MALRD1: variants seen among roughly 807,000 people sequenced by gnomAD.
MALRD1 encodes the protein MAM and LDL-receptor class A domain-containing protein 1.
A neutral mutation model predicts 242.1 loss-of-function variants in MALRD1; 247 were observed. The observed-to-expected ratio is 1.02, with a 90% confidence interval of 0.92 to 1.13. The LOEUF is 1.13. Ranked by LOEUF, MALRD1 falls within the 50% of genes most tolerant of loss-of-function variation. MALRD1 has a pLI of 0.00. For synonymous variants in MALRD1, 995 were observed against 866.6 expected, an observed-to-expected ratio of 1.15 and a Z score of -2.60; for missense variants, 2,989 against 2,533.1, an observed-to-expected ratio of 1.18 and a Z score of -3.86.
At chr10:19,644,799 T>A (rs1415246241) in intron 36 of MALRD1, among the ~76,000 whole-genome samples, 3 of 152,182 alleles carry the variant, frequency 2.0e-5, no homozygotes, top group Non-Finnish European at 2.9e-5. Flanking sequence ...GTCATGCAGC[T>A]AACAAGCAGC....
intron 26 of MALRD1, among the ~76,000 whole-genome samples, chr10:19,375,543 C>T (rs985078155): frequency 2.6e-5 from 4 of 152,160 alleles, no homozygotes; most frequent in Non-Finnish European, 5.9e-5. Context: ...CCTCACCATA[C>T]TGTCACCCGC....
intron 31 of MALRD1, among the ~76,000 whole-genome samples, chr10:19,509,511 CCTTTTCTGGTCAGCCTCTCAAT>C (rs1833298837): frequency 1.3e-5 from 2 of 152,222 alleles, no homozygotes; most frequent in African/African-American, 2.4e-5. Context: ...TTGACAATTC[CCTTTTCTGGTCAGCCTCTCAAT>C]CTTGAGAGGT....
chr10:19,687,682 G>A (rs1485863055), intron 36 of MALRD1, among the ~76,000 whole-genome samples: 1 of 151,992 alleles, frequency 6.6e-6, no homozygotes, highest in Non-Finnish European at 1.5e-5. Context: ...TTTTTCATTT[G>A]TTATACAAAT....
intron 31 of MALRD1, among the ~76,000 whole-genome samples, chr10:19,506,207 T>C (rs1208199125): frequency 6.6e-6 from 1 of 152,216 alleles, no homozygotes; most frequent in Non-Finnish European, 1.5e-5. Flanking sequence ...AATTCTTTAT[T>C]GTGTGCTAAG....
In MALRD1 at chr10:19,280,066, C is replaced by T. The variant is rs917881055; in HGVS notation, c.3099C>T (p.Leu1033=). The T allele has an allele frequency of 1.3e-6, 2 of 1,514,742 alleles. No individual in the cohort carries two copies. Among genetic ancestry groups the T allele is most frequent in the Non-Finnish European group, 1.8e-6 (2 of 1,134,288 alleles). 93.8% of individuals were successfully genotyped at this position (1,514,742 alleles called of 1,614,324 possible). A position where few individuals can be genotyped will look rare whatever the true frequency, so the allele number is the denominator to read the frequency against. ...ATCAAGGTAATTTGCCAGCAGACCT[C>T]CCAACTCCACCAGAAACGTCAGTTC... The part of the protein sequence containing the change: ...TLYPGNLPAD[L]PTPPETSVPV... Residue 1033 remains leucine (L), a synonymous_variant, in exon 20 of 40, where the codon CTC becomes CTT. Transcript: ENST00000454679.
intron 28 of MALRD1, among the ~76,000 whole-genome samples, chr10:19,432,209 T>G (rs2496097): frequency 6.6e-6 from 1 of 151,986 alleles, no homozygotes; most frequent in Non-Finnish European, 1.5e-5. Context: ...TTGTCTGTTA[T>G]AGACAATGCT....
intron 29 of MALRD1, among the ~76,000 whole-genome samples, chr10:19,485,594 G>C (rs764534118): frequency 6.0e-4 from 91 of 150,802 alleles, no homozygotes; most frequent in Non-Finnish European, 1.1e-3. Flanking sequence ...AGTGAGCCCA[G>C]ATCGCGCCAC....
intron 31 of MALRD1, among the ~76,000 whole-genome samples, chr10:19,528,952 G>T (rs1834217154): frequency 6.6e-6 from 1 of 152,154 alleles, no homozygotes; most frequent in African/African-American, 2.4e-5. Context: ...ACAAGTACTG[G>T]TGTAGGAATC....
At position 19,692,348 on chromosome 10, in the gene MALRD1, A is replaced by T; in HGVS notation, c.6204A>T (p.Thr2068=). 1 of 1,535,330 alleles carries T rather than the reference A, an allele frequency of 6.5e-7. No individual in the cohort carries two copies. Among genetic ancestry groups the T allele is most frequent in the Non-Finnish European group, 8.7e-7 (1 of 1,146,348 alleles). Residue 2068 remains threonine, a synonymous_variant, in exon 37 of 40, where the codon ACA becomes ACT. Coordinates refer to ENST00000454679, the MANE Select transcript of MALRD1 (RefSeq NM_001142308.3). ...TTAATCCTCCTGCTACAGACTTCAC[A>T]TACGCTCAGAATAGTAGGTGACATT... ...IKFNPPATDF[T]YAQNNTWTLL...
At chr10:19,498,816 T>C (rs568690230) in intron 31 of MALRD1, among the ~76,000 whole-genome samples, 170 bp downstream of exon 31, 7 of 152,278 alleles carry the variant, frequency 4.6e-5, no homozygotes, top group Admixed American at 1.3e-4. Context: ...AATTACTAAA[T>C]AGACCCAGAG....
chr10:19,474,663 T>G (rs112548576), intron 29 of MALRD1, among the ~76,000 whole-genome samples: 2 of 151,958 alleles, frequency 1.3e-5, no homozygotes, highest in Admixed American at 6.6e-5. Context: ...TAAATGATAA[T>G]ATAAAGTATT....
At chr10:19,616,012 C>CAGTTTGT in intron 36 of MALRD1, 89 bp downstream of exon 36, 1 of 922,382 alleles carries the variant, frequency 1.1e-6, no homozygotes, top group Non-Finnish European at 1.6e-6. Flanking sequence ...GAGCATCAAT[C>CAGTTTGT]AGTTTGTGGT....
intron 38 of MALRD1, among the ~76,000 whole-genome samples, chr10:19,720,536 T>A (rs1052441794): frequency 1.3e-5 from 2 of 152,184 alleles, no homozygotes; most frequent in African/African-American, 4.8e-5. Flanking sequence ...ATTTCTAGAA[T>A]CTTAAAGTCT....
At chr10:19,098,124 C>T (rs1836111865) in intron 4 of MALRD1, among the ~76,000 whole-genome samples, 2 of 152,162 alleles carry the variant, frequency 1.3e-5, no homozygotes, top group South Asian at 4.1e-4. Flanking sequence ...TTCGGTAACA[C>T]TTTCACTCCT....
rs116731504 is a variant in MALRD1 at position 19,634,622 on chromosome 10, G to C, written c.6137+18699G>C. 9.3e-3 allele frequency among the ~76,000 whole-genome samples: 1,409 copies of C among 152,178 alleles called. 19 individuals are homozygous for C. The highest frequency in any genetic ancestry group is 0.032 in the African/African-American group (1,322 of 41,512). On this transcript the variant is annotated intron_variant, in intron 36 of 39. Coordinates refer to ENST00000454679, the MANE Select transcript of MALRD1 (RefSeq NM_001142308.3). ...CTCGGCATTGTTCTGGATTCTGTTG[G>C]TAAGAAAGGAAAAAATACACATGGG...
intron 20 of MALRD1, 35 bp from the exon 21 acceptor site, chr10:19,282,984 C>CT: frequency 6.9e-7 from 1 of 1,456,508 alleles, no homozygotes; most frequent in Non-Finnish European, 9.1e-7. Flanking sequence ...CTGCCACTTA[C>CT]TAGCTCACCT....
intron 21 of MALRD1, among the ~76,000 whole-genome samples, chr10:19,283,457 G>T (rs11009294): frequency 0.15 from 23,009 of 152,028 alleles, 2,065 homozygotes; most frequent in South Asian, 0.28. Flanking sequence ...TTAGTATATT[G>T]TTTTTAAAAT....
chr10:19,417,456 T>C (rs1330923549), intron 28 of MALRD1, among the ~76,000 whole-genome samples: 1 of 152,176 alleles, frequency 6.6e-6, no homozygotes, highest in African/African-American at 2.4e-5. Context: ...TGTTATGACA[T>C]ATACCAGGAG....
intron 24 of MALRD1, among the ~76,000 whole-genome samples, chr10:19,342,845 G>T (rs577383966): frequency 1.1e-4 from 17 of 152,114 alleles, no homozygotes; most frequent in South Asian, 6.2e-4. Context: ...TCTCTCTGTG[G>T]CAGTGTCTTA....
Sources: gnomAD v4.1 joint callset for allele counts (sites outside exome capture counted in the v4.1 genomes callset) on GRCh38, gnomAD v4.1.1 for gene constraint, MANE v1.5 for transcripts, NCBI Gene and HGNC (gene_info 2026-07-23, HGNC 2026-07-21) for gene names.